KCNN2: variants seen among roughly 807,000 people sequenced by gnomAD.
KCNN2 encodes the protein potassium calcium-activated channel subfamily N member 2.
KCNN2 carries 24 observed loss-of-function variants against 55.5 expected under a neutral mutation model. That is an observed-to-expected ratio of 0.43 (90% CI 0.31 to 0.61). The LOEUF (loss-of-function observed/expected upper bound fraction) is 0.61, where lower values mean the gene tolerates loss of function less well. Among genes scored for constraint, KCNN2 ranks in the 20% least tolerant of loss-of-function variants. KCNN2 has a pLI of 0.08. For missense variants in KCNN2, 754 were observed against 853.6 expected (o/e 0.88, Z 1.45); for synonymous variants, 431 against 336.1 (o/e 1.28, Z -3.09).
intron 1 of KCNN2, among the ~76,000 whole-genome samples, chr5:114,214,818 A>T (rs1409031737): frequency 6.6e-6 from 1 of 152,188 alleles, no homozygotes; most frequent in African/African-American, 2.4e-5. Flanking sequence ...ACAAAAAACA[A>T]CTTTCCCTGA....
At chr5:114,177,169 G>A (rs556849482) in intron 1 of KCNN2, among the ~76,000 whole-genome samples, 8 of 139,190 alleles carry the variant, frequency 5.7e-5, no homozygotes, top group African/African-American at 1.9e-4. Flanking sequence ...ACGGAGTCTC[G>A]CTCTGTCGCC....
intron 2 of KCNN2, among the ~76,000 whole-genome samples, chr5:114,353,232 T>C (rs1226562104): frequency 6.6e-6 from 1 of 151,790 alleles, no homozygotes; most frequent in Non-Finnish European, 1.5e-5. Flanking sequence ...GTTGTTTGCA[T>C]GGTATAACAG....
chr5:114,371,838 A>C (rs1363120290), intron 2 of KCNN2, among the ~76,000 whole-genome samples: 2 of 152,258 alleles, frequency 1.3e-5, no homozygotes. Flanking sequence ...CATACCCAGC[A>C]CTTTCAGATA....
At chr5:114,133,758 G>A (rs547678740) in intron 1 of KCNN2, among the ~76,000 whole-genome samples, 2 of 152,272 alleles carry the variant, frequency 1.3e-5, no homozygotes, top group East Asian at 3.9e-4. Flanking sequence ...GAAAACAAAT[G>A]TTAACACTAA....
In KCNN2 at chr5:114,485,920, C is replaced by T. The variant is rs188934334; in HGVS notation, c.1891-1130C>T. On this transcript the variant is annotated intron_variant, in intron 5 of 7. Coordinates refer to ENST00000673685, the MANE Select transcript of KCNN2 (RefSeq NM_021614.4). Reference sequence around the variant, plus strand: ...CTTGGGCCCATAGTTTAGTGTAATTCTAAAGCTCATCCTTATTGTAAATCT... The same window carrying T: ...CTTGGGCCCATAGTTTAGTGTAATTTTAAAGCTCATCCTTATTGTAAATCT... Among the ~76,000 whole-genome samples, 178 of 152,250 alleles carry T rather than the reference C, an allele frequency of 1.2e-3. 1 individual carries two copies. In the South Asian group the frequency reaches 0.022, roughly 19 times the overall value.
chr5:114,360,313 G>T (rs36944), upstream of KCNN2, among the ~76,000 whole-genome samples: 112,784 of 151,966 alleles, frequency 0.74, 42,171 homozygotes, highest in East Asian at 0.97. Flanking sequence ...CGCACACTCT[G>T]AAAAGCAGAT....
chr5:114,270,280 A>T (rs1009150181), intron 2 of KCNN2, among the ~76,000 whole-genome samples: 1 of 152,228 alleles, frequency 6.6e-6, no homozygotes, highest in African/African-American at 2.4e-5. Context: ...TAAATAATAT[A>T]TTGAAAATAC....
Position 114,228,867 on chromosome 5 carries a change from A to C in KCNN2, c.-185+7302A>C, listed in dbSNP as rs1315522488. On this transcript the variant is annotated intron_variant, in intron 2 of 10. Transcript: ENST00000512097. ...AATTTGTCATTTATATTTTCTCTTTAAAAGCGTTTTGCTTTCAAAAATAAA... is the reference window on the plus strand; with the variant it reads ...AATTTGTCATTTATATTTTCTCTTTCAAAGCGTTTTGCTTTCAAAAATAAA... Among the ~76,000 whole-genome samples, 5 of 152,016 alleles carry C rather than the reference A, an allele frequency of 3.3e-5. No individual in the cohort carries two copies. In the East Asian group the frequency reaches 9.6e-4, roughly 29 times the overall value.
intron 1 of KCNN2, among the ~76,000 whole-genome samples, chr5:114,066,914 TA>T (rs1325511112): frequency 6.6e-6 from 1 of 152,184 alleles, no homozygotes; most frequent in Non-Finnish European, 1.5e-5. Flanking sequence ...TGACTATCTG[TA>T]AATGGACCCA....
chr5:114,266,688 T>C (rs1369211867), intron 2 of KCNN2, among the ~76,000 whole-genome samples: 7 of 152,184 alleles, frequency 4.6e-5, no homozygotes, highest in African/African-American at 1.7e-4. Flanking sequence ...GGGAGGCTGG[T>C]CTACAAAAGA....
chr5:114,166,138 C>T (rs753768235), intron 1 of KCNN2, among the ~76,000 whole-genome samples: 2 of 152,118 alleles, frequency 1.3e-5, no homozygotes, highest in East Asian at 3.9e-4. Context: ...GAACCACCCT[C>T]CTCGGCCTCC....
At chr5:114,104,813 G>A (rs1173994193) in intron 1 of KCNN2, among the ~76,000 whole-genome samples, 1 of 151,908 alleles carries the variant, frequency 6.6e-6, no homozygotes, top group South Asian at 2.1e-4. Context: ...AGGCAGGCTC[G>A]GGGGAGGAAA....
chr5:114,432,407 A>G (rs1759825812), intron 3 of KCNN2, among the ~76,000 whole-genome samples: 1 of 152,256 alleles, frequency 6.6e-6, no homozygotes, highest in Admixed American at 6.5e-5. Flanking sequence ...TCTTTTGATT[A>G]GTATTACCAT....
At chr5:114,391,328 G>C (rs1561603236) in intron 2 of KCNN2, among the ~76,000 whole-genome samples, 1 of 152,108 alleles carries the variant, frequency 6.6e-6, no homozygotes. Flanking sequence ...TTTTACTAGG[G>C]ACAGCAGAGT....
intron 1 of KCNN2, among the ~76,000 whole-genome samples, chr5:114,093,571 A>G (rs2112558806): frequency 6.6e-6 from 1 of 152,324 alleles, no homozygotes; most frequent in Admixed American, 6.5e-5. Flanking sequence ...TTTATAAAAG[A>G]AAGAGGTTTA....
chr5:114,311,822 A>T (rs1206358781), intron 2 of KCNN2, among the ~76,000 whole-genome samples: 1 of 152,154 alleles, frequency 6.6e-6, no homozygotes, highest in Non-Finnish European at 1.5e-5. Flanking sequence ...TATTTGAAAG[A>T]TTGGACCAGT....
At chr5:114,232,925 G>GTTTTTTTTTTTTTTTTTTTTTTTTTTTTT (rs10658266) in intron 2 of KCNN2, among the ~76,000 whole-genome samples, 1 of 76,276 alleles carries the variant, frequency 1.3e-5, no homozygotes, top group Non-Finnish European at 2.4e-5. Flanking sequence ...ATTGTTTCTT[G>GTTTTTTTTTTTTTTTTTTTTTTTTTTTTT]TTTTTTTTTT....
intron 2 of KCNN2, among the ~76,000 whole-genome samples, chr5:114,369,980 T>C (rs576489705): frequency 2.0e-5 from 3 of 152,286 alleles, no homozygotes; most frequent in South Asian, 2.1e-4. Flanking sequence ...AGAGAAGTTA[T>C]ATTCAGTTAG....
intron 3 of KCNN2, among the ~76,000 whole-genome samples, chr5:114,420,288 G>A (rs887914902): frequency 1.2e-4 from 18 of 152,234 alleles, no homozygotes; most frequent in Non-Finnish European, 7.3e-5. Flanking sequence ...CTCTCTGCAA[G>A]CATGTAAACT....
Sources: gnomAD v4.1 joint callset for allele counts (sites outside exome capture counted in the v4.1 genomes callset) on GRCh38, gnomAD v4.1.1 for gene constraint, MANE v1.5 for transcripts, NCBI Gene and HGNC (gene_info 2026-07-23, HGNC 2026-07-21) for gene names.